The following UTP20 variants were observed in gnomAD, a reference collection of about 807,000 sequenced individuals.
The protein encoded by UTP20 is UTP20 small subunit processome component.
In UTP20, 164 loss-of-function variants were observed where a neutral mutation model predicts 329.5. That is an observed-to-expected ratio of 0.50 (90% CI 0.44 to 0.57). The LOEUF is 0.57. Among genes scored for constraint, UTP20 ranks in the 20% least tolerant of loss-of-function variants. The pLI is 0.00. For synonymous variants in UTP20, 1,151 were observed against 1,159.3 expected (o/e 0.99, Z 0.14); for missense variants, 3,055 against 3,284.2 (o/e 0.93, Z 1.71).
chr12:101,344,024 GTGGCA>G (rs2120941539), intron 35 of UTP20, among the ~76,000 whole-genome samples: 1 of 152,278 alleles, frequency 6.6e-6, no homozygotes, highest in East Asian at 1.9e-4. Context: ...TAATCATGTA[GTGGCA>G]TCAGTGATCT....
chr12:101,308,254 G>A lies in UTP20; in HGVS notation c.2065G>A (p.Val689Met), dbSNP rs1227729036. The A allele has an allele frequency of 1.9e-6, 3 of 1,613,222 alleles. No individual in the cohort carries two copies. The highest frequency in any genetic ancestry group is 1.3e-5 in the African/African-American group (1 of 74,962). The change falls in exon 18 of 62, where the codon GTG becomes ATG. Residue 689 changes from valine (V) to methionine (M), a missense_variant. Val to Met is a conservative substitution (Grantham distance 21). Transcript: ENST00000261637. ...CCAGGCAGAACTTGTTCCAGCAACT[G>A]TGAATGATTATAGAGAGAAGCTTCT... ...LRQAELVPAT[V>M]NDYREKLLHL...
intron 21 of UTP20, among the ~76,000 whole-genome samples, chr12:101,316,784 C>T (rs990398035): frequency 6.6e-6 from 1 of 152,116 alleles, no homozygotes; most frequent in Non-Finnish European, 1.5e-5. Context: ...TAAACTAATG[C>T]ATTAAATGAC....
chr12:101,342,420 G>T, intron 32 of UTP20, 26 bp from the exon 33 acceptor site: 1 of 1,572,542 alleles, frequency 6.4e-7, no homozygotes, highest in South Asian at 1.2e-5. Flanking sequence ...ACTGAAATAT[G>T]ATTTCTCTGA....
intron 14 of UTP20, 142 bp from the exon 15 acceptor site, chr12:101,302,306 G>A: frequency 3.3e-6 from 2 of 605,678 alleles, no homozygotes; most frequent in South Asian, 2.0e-5. Flanking sequence ...ATATTTGGAT[G>A]TTTGACAGAC....
chr12:101,311,673 A>T, intron 19 of UTP20, 46 bp from the exon 20 acceptor site: 1 of 1,518,352 alleles, frequency 6.6e-7, no homozygotes. Flanking sequence ...CAATCTTAAA[A>T]TGGCCATACC....
In UTP20 at chr12:101,286,323, T is replaced by G; in HGVS notation, c.329T>G (p.Leu110Trp). 1 of 1,580,394 alleles carries G rather than the reference T, an allele frequency of 6.3e-7. No individual in the cohort carries two copies. The highest frequency in any genetic ancestry group is 8.6e-7 in the Non-Finnish European group (1 of 1,164,700). ...NSFAYQPLLD[L>W]VVQLARDLQM... ...AGTTGCTTCTTTTTTTAATCCAGTT[T>G]GGTTGTACAGTTGGCACGAGATCTG... Residue 110 changes from leucine to tryptophan, a missense_variant and splice_region_variant, in exon 5 of 62, where the codon TTG (leucine) becomes TGG (tryptophan). Around this residue, in one of 3 missense-constraint regions of UTP20, gnomAD observed 2,445 missense variants for 2,575.5 expected, o/e 0.95. Coordinates refer to ENST00000261637, the MANE Select transcript of UTP20 (RefSeq NM_014503.3).
intron 14 of UTP20, among the ~76,000 whole-genome samples, chr12:101,301,893 A>G (rs1370625726): frequency 6.6e-6 from 1 of 152,108 alleles, no homozygotes; most frequent in Non-Finnish European, 1.5e-5. Flanking sequence ...TTAATGGAAC[A>G]TACACATTTT....
intron 47 of UTP20, 83 bp downstream of exon 47, chr12:101,366,782 C>T (rs1171415130): frequency 6.7e-7 from 1 of 1,482,412 alleles, no homozygotes; most frequent in Non-Finnish European, 9.0e-7. Flanking sequence ...TAGTACTGCT[C>T]ACTTCCATTG....
intron 44 of UTP20, 127 bp from the exon 45 acceptor site, chr12:101,363,449 T>G: frequency 1.3e-6 from 1 of 772,266 alleles, no homozygotes; most frequent in Non-Finnish European, 1.9e-6. Flanking sequence ...TTCTTCCATC[T>G]AATTTGAGTC....
chr12:101,324,166 A>G (rs1036862662), intron 25 of UTP20, among the ~76,000 whole-genome samples: 2 of 150,418 alleles, frequency 1.3e-5, no homozygotes, highest in Non-Finnish European at 3.0e-5. Context: ...TAAATAAATA[A>G]TAATAATTTT....
chr12:101,310,337 C>T (rs1196777149), intron 19 of UTP20, among the ~76,000 whole-genome samples: 5 of 151,822 alleles, frequency 3.3e-5, no homozygotes, highest in African/African-American at 4.8e-5. Flanking sequence ...GCACTTTGGG[C>T]GGCTGAGGCA....
intron 11 of UTP20, 58 bp from the exon 12 acceptor site, chr12:101,295,422 A>T: frequency 7.0e-7 from 1 of 1,436,928 alleles, no homozygotes; most frequent in Non-Finnish European, 9.2e-7. Context: ...TTGAATTGTT[A>T]GCATCTTCTC....
chr12:101,286,372 T>A lies in UTP20; in HGVS notation c.378T>A (p.Phe126Leu). 1 of 1,613,854 alleles carries A rather than the reference T, an allele frequency of 6.2e-7. No individual in the cohort carries two copies. Among genetic ancestry groups the A allele is most frequent in the South Asian group, 1.1e-5 (1 of 91,038 alleles). ...TGCAGATGGATTTCTACCCACACTT[T>A]CCAGAGTTTTTTTTGACTATCACCT... Reference protein sequence around the residue: ...RDLQMDFYPHFPEFFLTITSI... With the variant: ...RDLQMDFYPHLPEFFLTITSI... Residue 126 changes from phenylalanine to leucine, a missense_variant, in exon 5 of 62, where the codon TTT (phenylalanine) becomes TTA (leucine). Coordinates refer to ENST00000261637, the MANE Select transcript of UTP20 (RefSeq NM_014503.3).
In UTP20 at chr12:101,363,660, A is replaced by G. The variant is rs1225916509; in HGVS notation, c.5875A>G (p.Ser1959Gly). 1.2e-6 allele frequency: 2 copies of G among 1,614,000 alleles called. No individual in the cohort carries two copies. Among genetic ancestry groups the G allele is most frequent in the Non-Finnish European group, 8.5e-7 (1 of 1,179,842 alleles). The change falls in exon 45 of 62, where the codon AGC becomes GGC. Residue 1959 changes from serine to glycine, a missense_variant. By Grantham distance (56) the Ser-to-Gly change is moderately conservative. This residue lies in a region of UTP20 where 2,445 missense variants were observed against 2,575.5 expected (regional missense o/e 0.95). Transcript: ENST00000261637. ...ILSKVMEARR[S>G]KSYDSYEILG... Reference sequence around the variant, plus strand: ...CTCCAAAGTCATGGAAGCACGAAGAAGCAAAAGTTACGACTCTTATGAAAT... The same window carrying G: ...CTCCAAAGTCATGGAAGCACGAAGAGGCAAAAGTTACGACTCTTATGAAAT...
chr12:101,345,386 C>G (rs1869289065), intron 36 of UTP20, among the ~76,000 whole-genome samples, 168 bp from the exon 37 acceptor site: 1 of 152,014 alleles, frequency 6.6e-6, no homozygotes, highest in African/African-American at 2.4e-5. Context: ...AGGATTTCAC[C>G]ATGTTGTCCA....
At chr12:101,316,758 G>A (rs1411068350) in intron 21 of UTP20, among the ~76,000 whole-genome samples, 1 of 152,166 alleles carries the variant, frequency 6.6e-6, no homozygotes, top group African/African-American at 2.4e-5. Context: ...GTTTGGGTGA[G>A]TGAATGAAAG....
intron 27 of UTP20, among the ~76,000 whole-genome samples, chr12:101,330,600 TATGAGAGTGTA>T (rs990627985): frequency 2.0e-5 from 3 of 152,240 alleles, no homozygotes; most frequent in Admixed American, 2.0e-4. Flanking sequence ...TTCTCTGTTA[TATGAGAGTGTA>T]ATAAGGGCCA....
intron 56 of UTP20, among the ~76,000 whole-genome samples, chr12:101,376,135 CTTTCTTTTTGTTCAGTAGG>C (rs1870463500): frequency 6.6e-6 from 1 of 152,076 alleles, no homozygotes; most frequent in African/African-American, 2.4e-5. Flanking sequence ...TCCATCCAGT[CTTTCTTTTTGTTCAGTAGG>C]CATAGGGTTT....
chr12:101,295,468 TCTTAACTTTAGC>T lies in UTP20; in HGVS notation c.1252-11_1252del. Reference sequence around the variant, plus strand: ...CTGTTAATAAGTGTGATTTTTTTTTTCTTAACTTTAGCTTTTTCTACCAAGCTTTCTGTCATA... The same window carrying T: ...CTGTTAATAAGTGTGATTTTTTTTTTTTTTTCTACCAAGCTTTCTGTCATA... On this transcript the variant is annotated splice_acceptor_variant and splice_polypyrimidine_tract_variant and coding_sequence_variant and intron_variant, in exon 12 of 62. Coordinates refer to ENST00000261637, the MANE Select transcript of UTP20 (RefSeq NM_014503.3). LOFTEE classifies it high-confidence loss of function. 1 of 1,551,260 alleles carries T rather than the reference TCTTAACTTTAGC, an allele frequency of 6.4e-7. No individual in the cohort carries two copies. The highest frequency in any genetic ancestry group is 8.7e-7 in the Non-Finnish European group (1 of 1,145,814).
Sources: allele counts gnomAD v4.1 joint callset (sites outside exome capture counted in the v4.1 genomes callset), GRCh38; gene constraint gnomAD v4.1.1; regional missense constraint gnomAD v4.1.1; transcripts MANE v1.5; gene names NCBI Gene and HGNC (gene_info 2026-07-23, HGNC 2026-07-21).